LINGO2: variants seen among roughly 807,000 people sequenced by gnomAD.
LINGO2 encodes the protein leucine rich repeat and Ig domain containing 2.
Under a neutral mutation model 30.6 loss-of-function variants are expected in LINGO2, and 14 were observed. The ratio of observed to expected loss-of-function variants is 0.46; its 90% CI spans 0.30 to 0.72. The LOEUF is 0.72. Among genes scored for constraint, LINGO2 ranks in the 30% least tolerant of loss-of-function variants. The pLI is 0.07. For synonymous variants in LINGO2, 317 were observed against 288.5 expected (o/e 1.10, Z -1.00); for missense variants, 729 against 751.7 (o/e 0.97, Z 0.35).
chr9:28,171,000 A>G (rs892429876), intron 4 of LINGO2, among the ~76,000 whole-genome samples: 1 of 152,222 alleles, frequency 6.6e-6, no homozygotes, highest in African/African-American at 2.4e-5. Context: ...ACAGATGGTT[A>G]TGGGCACCAT....
chr9:28,033,793 T>C (rs2132916612), intron 4 of LINGO2, among the ~76,000 whole-genome samples: 1 of 152,334 alleles, frequency 6.6e-6, no homozygotes, highest in South Asian at 2.1e-4. Flanking sequence ...AGACAGAAGA[T>C]GTAGCTGACT....
chr9:28,393,998 C>CT (rs11326008), intron 2 of LINGO2, among the ~76,000 whole-genome samples: 2 of 150,936 alleles, frequency 1.3e-5, no homozygotes, highest in Non-Finnish European at 3.0e-5. Flanking sequence ...GTACTAACCT[C>CT]TTTTTTTTTT....
At chr9:29,018,090 T>G in the LINGO2 span, among the ~76,000 whole-genome samples, 2 of 16,366 alleles carry the variant, frequency 1.2e-4, no homozygotes, top group South Asian at 3.7e-3. Flanking sequence ...AAATATACAT[T>G]TTATATATAT....
intron 1 of LINGO2, among the ~76,000 whole-genome samples, chr9:28,538,449 T>G (rs886424546): frequency 1.3e-5 from 2 of 152,100 alleles, no homozygotes; most frequent in Non-Finnish European, 2.9e-5. Flanking sequence ...ATTAAATCAT[T>G]AAATTCAAAA....
intron 3 of LINGO2, among the ~76,000 whole-genome samples, chr9:28,325,399 A>G (rs1564123957): frequency 6.6e-6 from 1 of 152,086 alleles, no homozygotes; most frequent in Non-Finnish European, 1.5e-5. Context: ...GCTGGAGCCA[A>G]ACTTCACTAA....
the LINGO2 span, among the ~76,000 whole-genome samples, chr9:29,186,410 C>A: frequency 1.3e-5 from 2 of 152,060 alleles, no homozygotes; most frequent in Non-Finnish European, 2.9e-5. Context: ...TGGTTCGGGT[C>A]ACATATATAG....
the LINGO2 span, among the ~76,000 whole-genome samples, chr9:29,000,134 T>C: frequency 6.6e-6 from 1 of 151,974 alleles, no homozygotes; most frequent in Non-Finnish European, 1.5e-5. Flanking sequence ...GATTCAATCA[T>C]GTATATGTCT....
chr9:28,877,704 CT>C, the LINGO2 span, among the ~76,000 whole-genome samples: 18 of 152,190 alleles, frequency 1.2e-4, no homozygotes, highest in African/African-American at 4.1e-4. Flanking sequence ...CAGCTTTGTT[CT>C]TTTGGCTTAG....
At chr9:28,519,079 C>G (rs1208706623) in intron 1 of LINGO2, among the ~76,000 whole-genome samples, 1 of 152,134 alleles carries the variant, frequency 6.6e-6, no homozygotes, top group African/African-American at 2.4e-5. Context: ...GTTGCCCAGG[C>G]TGGAGTGCGG....
chr9:28,461,839 C>T (rs1825093497), intron 2 of LINGO2, among the ~76,000 whole-genome samples: 2 of 152,148 alleles, frequency 1.3e-5, no homozygotes, highest in South Asian at 2.1e-4. Flanking sequence ...CAGTCTATGA[C>T]ATTACAGCAA....
downstream of LINGO2, chr9:27,943,712 T>C (rs1823258182): frequency 6.6e-6 from 1 of 152,082 alleles, no homozygotes; most frequent in Admixed American, 6.6e-5. Flanking sequence ...CGTTCATTGA[T>C]GAGGATGGCA....
At chr9:28,794,556 G>C in the LINGO2 span, among the ~76,000 whole-genome samples, 3 of 152,088 alleles carry the variant, frequency 2.0e-5, no homozygotes, top group Admixed American at 2.0e-4. Context: ...CTCTTCCTAG[G>C]ATAGTTTGAT....
the LINGO2 span, among the ~76,000 whole-genome samples, chr9:28,989,736 A>G: frequency 6.6e-6 from 1 of 152,206 alleles, no homozygotes; most frequent in African/African-American, 2.4e-5. Flanking sequence ...TTAGGGACAC[A>G]GCTAACTATA....
At chr9:28,214,173 A>G (rs2133870107) in intron 4 of LINGO2, among the ~76,000 whole-genome samples, 1 of 151,754 alleles carries the variant, frequency 6.6e-6, no homozygotes, top group South Asian at 2.1e-4. Context: ...CATCTTTCAT[A>G]GTAAATCTAA....
At chr9:28,802,019 A>G in the LINGO2 span, among the ~76,000 whole-genome samples, 1 of 151,794 alleles carries the variant, frequency 6.6e-6, no homozygotes. Flanking sequence ...ATACATTTAT[A>G]TTATAACAAA....
At chr9:27,957,261 T>C (rs563184786) in intron 5 of LINGO2, among the ~76,000 whole-genome samples, 5 of 152,316 alleles carry the variant, frequency 3.3e-5, no homozygotes, top group African/African-American at 7.2e-5. Flanking sequence ...TACTATATTA[T>C]ACCAGTACGG....
the LINGO2 span, among the ~76,000 whole-genome samples, chr9:28,978,419 T>C: frequency 1.3e-5 from 2 of 152,128 alleles, no homozygotes; most frequent in South Asian, 2.1e-4. Context: ...GTAGCAGTTA[T>C]TGGAATCCTA....
intron 4 of LINGO2, among the ~76,000 whole-genome samples, chr9:28,058,285 C>T (rs1171098756): frequency 6.6e-6 from 1 of 152,068 alleles, no homozygotes; most frequent in Non-Finnish European, 1.5e-5. Flanking sequence ...CAAAAGAAAA[C>T]AGATATTCTA....
the LINGO2 span, among the ~76,000 whole-genome samples, chr9:28,799,846 A>G: frequency 1.3e-5 from 2 of 152,144 alleles, no homozygotes; most frequent in Non-Finnish European, 2.9e-5. Context: ...TGAGTACATT[A>G]GGAATAAGCC....
Sources: gnomAD v4.1 joint callset for allele counts (sites outside exome capture counted in the v4.1 genomes callset) on GRCh38, gnomAD v4.1.1 for gene constraint, MANE v1.5 for transcripts, NCBI Gene and HGNC (gene_info 2026-07-23, HGNC 2026-07-21) for gene names.